The following ARRDC3 variants were observed in gnomAD, a reference collection of about 807,000 sequenced individuals.
ARRDC3 encodes arrestin domain containing 3.
Under a neutral mutation model 47.2 loss-of-function variants are expected in ARRDC3, and 10 were observed. The observed-to-expected ratio is 0.21, with a 90% confidence interval of 0.13 to 0.36. The LOEUF is 0.36. ARRDC3 is among the 10% of genes least tolerant of loss of function. The pLI is 1.00. For missense variants in ARRDC3, 381 were observed against 503.6 expected (o/e 0.76, Z 2.33); for synonymous variants, 156 against 178.3 (o/e 0.87, Z 1.00).
At chr5:91,379,839 T>C (rs1471142564) in intron 1 of ARRDC3, 5 of 152,152 alleles carry the variant, frequency 3.3e-5, no homozygotes, top group African/African-American at 1.2e-4. Flanking sequence ...CTCCCTGATA[T>C]TAAACGAGAA....
chr5:91,376,125 T>G (rs1372473909), intron 3 of ARRDC3, among the ~76,000 whole-genome samples: 1 of 152,226 alleles, frequency 6.6e-6, no homozygotes, highest in Non-Finnish European at 1.5e-5. Flanking sequence ...AAATTTGAAT[T>G]ATTTTCAGAC....
chr5:91,383,062 T>C lies in ARRDC3; in HGVS notation c.31A>G (p.Ile11Val). The C allele has an allele frequency of 1.9e-6, 3 of 1,612,456 alleles. No individual in the cohort carries two copies. Among genetic ancestry groups the C allele is most frequent in the Non-Finnish European group, 2.5e-6 (3 of 1,179,062 alleles). MVLGKVKSLT[I>V]SFDCLNDSNV... The stretch of plus-strand genomic sequence containing the variant: ...CTGTCATTAAGACAGTCAAAGCTTA[T>C]TGTCAAACTCTTCACCTTTCCCAGC... The change falls in exon 1 of 8, where the codon ATA becomes GTA. Residue 11 changes from isoleucine to valine, a missense_variant. Physicochemically the swap from Ile to Val is conservative, Grantham distance 29. Transcript: ENST00000265138.
At chr5:91,380,741 G>A (rs1799434603) in intron 1 of ARRDC3, 1 of 152,342 alleles carries the variant, frequency 6.6e-6, no homozygotes, top group Non-Finnish European at 1.5e-5. Context: ...CATCTGAAAA[G>A]GATTTTCTGC....
Position 91,371,146 on chromosome 5 carries a change from G to A in ARRDC3, c.*254C>T. 1 of 463,212 alleles carries A rather than the reference G, an allele frequency of 2.2e-6. No individual in the cohort carries two copies. The highest frequency in any genetic ancestry group is 2.0e-5 in the African/African-American group (1 of 50,902). The allele number at this position is 463,212 out of a possible 1,614,324, so 28.7% of individuals were successfully genotyped here. A position where few individuals can be genotyped will look rare whatever the true frequency, so the allele number is the denominator to read the frequency against. The stretch of plus-strand genomic sequence containing the variant: ...TGATGTCTTGACACGTACGACCATA[G>A]GCTAAGAAGACTGCTCTGAGTATGT... On this transcript the variant is annotated 3_prime_UTR_variant, in exon 8 of 8. Coordinates refer to ENST00000265138, the MANE Select transcript of ARRDC3 (RefSeq NM_020801.4).
chr5:91,374,744 C>T (rs1799259231), intron 5 of ARRDC3, among the ~76,000 whole-genome samples, 178 bp downstream of exon 5: 1 of 152,076 alleles, frequency 6.6e-6, no homozygotes, highest in Non-Finnish European at 1.5e-5. Context: ...ATTATCCAGG[C>T]ATGGCTATAG....
At position 91,369,868 on chromosome 5, in the gene ARRDC3, T is replaced by C. The variant is rs1799128606; in HGVS notation, c.*1532A>G. 1 of 152,208 alleles carries C rather than the reference T, an allele frequency of 6.6e-6. No individual in the cohort carries two copies. Among genetic ancestry groups the C allele is most frequent in the Admixed American group, 6.5e-5 (1 of 15,274 alleles). 9.4% of individuals were successfully genotyped at this position (152,208 alleles called of 1,614,324 possible). A position where few individuals can be genotyped will look rare whatever the true frequency, so the allele number is the denominator to read the frequency against. ...TGAGCCAACAGAAAATTACCTTTAA[T>C]ATAAACTATAACTTACTGATGTGAT... On this transcript the variant is annotated 3_prime_UTR_variant, in exon 8 of 8. Transcript: ENST00000265138.
chr5:91,373,858 G>T lies in ARRDC3; in HGVS notation c.1034-20C>A. The T allele has an allele frequency of 6.2e-7, 1 of 1,613,290 alleles. No homozygotes were observed. Among genetic ancestry groups the T allele is most frequent in the Non-Finnish European group, 8.5e-7 (1 of 1,179,404 alleles). ...GTGGTGCTGAAGGAAAAAGATACAC[G>T]CAATTCGAACAGCATGTTCTTATGC... is the stretch of plus-strand genomic sequence containing the variant. On this transcript the variant is annotated intron_variant, in intron 6 of 7. Transcript: ENST00000265138.
At chr5:91,376,301 C>T (rs1164702001) in intron 3 of ARRDC3, among the ~76,000 whole-genome samples, 2 of 152,132 alleles carry the variant, frequency 1.3e-5, no homozygotes, top group Admixed American at 1.3e-4. Flanking sequence ...AAAGATACTA[C>T]TGCTCTTCTT....
At chr5:91,376,442 T>C (rs1799305318) in intron 3 of ARRDC3, 179 bp downstream of exon 3, 1 of 579,388 alleles carries the variant, frequency 1.7e-6, no homozygotes, top group East Asian at 3.1e-5. Context: ...GTCAAAAATA[T>C]GAGCATATTT....
rs574992490 is a variant in ARRDC3, at chr5:91,370,054, T to A, written c.*1346A>T. The A allele has an allele frequency of 6.6e-6, 1 of 152,198 alleles. No individual in the cohort carries two copies. Among genetic ancestry groups the A allele is most frequent in the Non-Finnish European group, 1.5e-5 (1 of 68,030 alleles). The allele number at this position is 152,198 out of a possible 1,614,324, so 9.4% of individuals were successfully genotyped here. On this transcript the variant is annotated 3_prime_UTR_variant, in exon 8 of 8. Transcript: ENST00000265138. ...CTAGTATTTTAAATTTTGAAGTTAC[T>A]TTTGGAATAAAGTCGAGTTTTCATG...
At position 91,374,809 on chromosome 5, in the gene ARRDC3, C is replaced by T. The variant is rs1173177794; in HGVS notation, c.870+113G>A. 9 of 1,118,938 alleles carry T rather than the reference C, an allele frequency of 8.0e-6. No homozygotes were observed. In the Admixed American group the frequency reaches 2.0e-4, roughly 25 times the overall value. The allele number at this position is 1,118,938 out of a possible 1,614,324, so 69.3% of individuals were successfully genotyped here. A position where few individuals can be genotyped will look rare whatever the true frequency, so the allele number is the denominator to read the frequency against. On this transcript the variant is annotated intron_variant, in intron 5 of 7. Coordinates refer to ENST00000265138, the MANE Select transcript of ARRDC3 (RefSeq NM_020801.4). ...CTGAGGTGGGAGGATCACTGGAGCC[C>T]AGAAAGCAGAGGCTGTAGCGGAGCT...
chr5:91,369,446 T>C lies in ARRDC3; in HGVS notation c.*1954A>G, dbSNP rs1799117749. ...GTTTGCTACGGGAGCCCAAACTCTT[T>C]AACCGAATCACTTAAAACGCGATTC... On this transcript the variant is annotated 3_prime_UTR_variant, in exon 8 of 8. Transcript: ENST00000265138. The C allele has an allele frequency of 6.6e-6, 1 of 152,278 alleles. No homozygotes were observed. Among genetic ancestry groups the C allele is most frequent in the African/African-American group, 2.4e-5 (1 of 41,348 alleles). 9.4% of individuals were successfully genotyped at this position (152,278 alleles called of 1,614,324 possible).
At chr5:91,376,366 G>A (rs572965714) in intron 3 of ARRDC3, among the ~76,000 whole-genome samples, 1 of 152,228 alleles carries the variant, frequency 6.6e-6, no homozygotes, top group East Asian at 1.9e-4. Flanking sequence ...GTCATACTCT[G>A]AGTAAGAGAT....
chr5:91,375,427 T>C (rs1799278657), intron 4 of ARRDC3, 84 bp downstream of exon 4: 1 of 972,320 alleles, frequency 1.0e-6, no homozygotes, highest in Non-Finnish European at 1.5e-6. Flanking sequence ...CTATATTATG[T>C]TTATATTTAG....
intron 1 of ARRDC3, among the ~76,000 whole-genome samples, chr5:91,382,593 G>A (rs1043687672): frequency 4.4e-4 from 67 of 152,232 alleles, no homozygotes; most frequent in African/African-American, 1.5e-3. Flanking sequence ...GGGTACAGAG[G>A]TAGCTGAATA....
At chr5:91,376,301 C>A (rs1164702001) in intron 3 of ARRDC3, among the ~76,000 whole-genome samples, 1 of 152,132 alleles carries the variant, frequency 6.6e-6, no homozygotes, top group African/African-American at 2.4e-5. Flanking sequence ...AAAGATACTA[C>A]TGCTCTTCTT....
At chr5:91,378,956 G>A (rs894666769) in intron 1 of ARRDC3, among the ~76,000 whole-genome samples, 181 bp from the exon 2 acceptor site, 16 of 152,022 alleles carry the variant, frequency 1.1e-4, no homozygotes, top group Admixed American at 2.0e-4. Flanking sequence ...TAAAAATCCT[G>A]TCGTCAGCTG....
rs1799361788 is a variant in ARRDC3, at chr5:91,378,631, A to G, written c.362+63T>C. 1.1e-5 allele frequency: 10 copies of G among 950,430 alleles called. No homozygotes were observed. In the South Asian group the frequency reaches 1.4e-4, roughly 13 times the overall value. The allele number at this position is 950,430 out of a possible 1,614,324, so 58.9% of individuals were successfully genotyped here. A position where few individuals can be genotyped will look rare whatever the true frequency, so the allele number is the denominator to read the frequency against. On this transcript the variant is annotated intron_variant, in intron 2 of 7. Transcript: ENST00000265138. ...AAAAATGTTTAAATTTAGAATACTTAATTTTAAAATAATGCTCTGATCATA... is the reference window on the plus strand; with the variant it reads ...AAAAATGTTTAAATTTAGAATACTTGATTTTAAAATAATGCTCTGATCATA...
rs1799488041 is a variant in ARRDC3, at chr5:91,383,224, C to T, written c.-132G>A. 3 of 816,496 alleles carry T rather than the reference C, an allele frequency of 3.7e-6. No homozygotes were observed. Among genetic ancestry groups the T allele is most frequent in the Non-Finnish European group, 3.7e-6 (2 of 538,022 alleles). 50.6% of individuals were successfully genotyped at this position (816,496 alleles called of 1,614,324 possible). ...GCTTGCAGGCCGGATCAGTGATTCTCTACAAATAGTTCATTGAGATTTCTT... is the reference window on the plus strand; with the variant it reads ...GCTTGCAGGCCGGATCAGTGATTCTTTACAAATAGTTCATTGAGATTTCTT... On this transcript the variant is annotated 5_prime_UTR_variant, in exon 1 of 8. The change abolishes the stop of an existing upstream ORF in the 5' untranslated region. Transcript: ENST00000265138.
Sources: allele counts gnomAD v4.1 joint callset (sites outside exome capture counted in the v4.1 genomes callset), GRCh38; gene constraint gnomAD v4.1.1; transcripts MANE v1.5; gene names NCBI Gene and HGNC (gene_info 2026-07-23, HGNC 2026-07-21).